RNF128: variants seen among roughly 807,000 people sequenced by gnomAD.
RNF128 encodes the protein ring finger protein 128.
Under a neutral mutation model 26.2 loss-of-function variants are expected in RNF128, and 13 were observed. The ratio of observed to expected loss-of-function variants is 0.50; its 90% CI spans 0.32 to 0.79. The LOEUF (loss-of-function observed/expected upper bound fraction) is 0.79. Among genes scored for constraint, RNF128 ranks in the 30% least tolerant of loss-of-function variants. The pLI, the probability that RNF128 is intolerant of heterozygous loss-of-function variation, is 0.03. For synonymous variants in RNF128, 149 were observed against 142.5 expected (o/e 1.05, Z -0.32); for missense variants, 315 against 349.7 (o/e 0.90, Z 0.79).
intron 1 of RNF128, among the ~76,000 whole-genome samples, chrX:106,767,367 G>C (rs1948720786): frequency 1.8e-5 from 2 of 111,846 alleles, no homozygotes; most frequent in South Asian, 7.4e-4. Context: ...TCTTCCATTT[G>C]TTTGTGTCCT....
chrX:106,762,032 G>A (rs1930128569), intron 1 of RNF128, among the ~76,000 whole-genome samples: 1 of 109,841 alleles, frequency 9.1e-6, no homozygotes, highest in Admixed American at 9.8e-5. Flanking sequence ...GTAAATGTAA[G>A]TATACTATGT....
rs752112993 is a variant in RNF128 at position 106,794,350 on chromosome X, TTCTGTAAG to T, written c.1154-1229_1154-1222del. 6.3e-5 allele frequency among the ~76,000 whole-genome samples: 7 copies of T among 111,688 alleles called. No individual in the cohort carries two copies. The East Asian group carries it at 2.0e-3, about 31-fold the overall frequency. On this transcript the variant is annotated intron_variant, in intron 6 of 6. Transcript: ENST00000255499. ...TCTAGGTCTGGGATTAGCCAACTTT[TTCTGTAAG>T]GGGCCACATAGTAAATATGTTAGGC... is the stretch of plus-strand genomic sequence containing the variant.
At position 106,708,269 on chromosome X, in the gene RNF128, A is replaced by G. The variant is rs1413962004; in HGVS notation, c.406+13861A>G. ...CATGACTTCTTTGTAGGCTGTTTCT[A>G]TATAAAGCTCTGGCAGTAGGAACTG... On this transcript the variant is annotated intron_variant, in intron 1 of 6. Transcript: ENST00000324342. Among the ~76,000 whole-genome samples, 3 of 111,849 alleles carry G rather than the reference A, an allele frequency of 2.7e-5. No homozygotes were observed. The Admixed American group carries it at 2.9e-4, about 11-fold the overall frequency.
At chrX:106,765,043 G>A (rs374275497) in intron 1 of RNF128, among the ~76,000 whole-genome samples, 8 of 111,632 alleles carry the variant, frequency 7.2e-5, no homozygotes, top group African/African-American at 2.6e-4. Context: ...ATAACAGAGG[G>A]TCTCTACATT....
intron 1 of RNF128, among the ~76,000 whole-genome samples, chrX:106,733,356 T>C (rs1034516519): frequency 9.0e-6 from 1 of 111,358 alleles, no homozygotes; most frequent in Non-Finnish European, 1.9e-5. Flanking sequence ...GTGTTTTCAA[T>C]ACAGAATGCC....
At chrX:106,764,102 A>G (rs1050724239) in intron 1 of RNF128, among the ~76,000 whole-genome samples, 18 of 109,233 alleles carry the variant, frequency 1.6e-4, no homozygotes, top group Non-Finnish European at 2.9e-4. Context: ...AGCTGGGGCT[A>G]CAGGTGCCCG....
At chrX:106,754,441 T>TG (rs1929964533) in intron 1 of RNF128, among the ~76,000 whole-genome samples, 1 of 81,404 alleles carries the variant, frequency 1.2e-5, no homozygotes, top group Non-Finnish European at 2.4e-5. Flanking sequence ...TTTTTTTTTT[T>TG]GTAGCGACAG....
intron 2 of RNF128, among the ~76,000 whole-genome samples, chrX:106,774,391 T>G (rs764693562): frequency 8.9e-6 from 1 of 112,049 alleles, no homozygotes; most frequent in East Asian, 2.8e-4. Context: ...TTTTGTCTTT[T>G]GTATACTCAA....
intron 1 of RNF128, among the ~76,000 whole-genome samples, chrX:106,767,983 T>C (rs1249132221): frequency 8.9e-6 from 1 of 111,938 alleles, no homozygotes; most frequent in Non-Finnish European, 1.9e-5. Context: ...CATGTGGTTT[T>C]TATCTTTGGT....
chrX:106,723,039 T>C (rs1242307124), upstream of RNF128, among the ~76,000 whole-genome samples: 1 of 111,662 alleles, frequency 9.0e-6, no homozygotes, highest in African/African-American at 3.3e-5. Flanking sequence ...CCATATGATC[T>C]CTTTAAGTTC....
intron 2 of RNF128, among the ~76,000 whole-genome samples, chrX:106,780,355 C>T (rs192022367): frequency 8.8e-4 from 96 of 109,567 alleles, no homozygotes; most frequent in South Asian, 1.5e-3. Flanking sequence ...CCAATATATT[C>T]CCATTCAGAA....
At chrX:106,777,607 C>T (rs1020168711) in intron 2 of RNF128, among the ~76,000 whole-genome samples, 15 of 112,026 alleles carry the variant, frequency 1.3e-4, no homozygotes, top group African/African-American at 4.9e-4. Flanking sequence ...CCAATATATC[C>T]TTTTCCTCCT....
Position 106,726,730 on chromosome X carries a change from G to A in RNF128, c.-184G>A, listed in dbSNP as rs1259137076. On this transcript the variant is annotated 5_prime_UTR_variant, in exon 1 of 7. Transcript: ENST00000255499. Reference sequence around the variant, plus strand: ...TAGCGGAGAAGACTGGAGCTCCGAGGAGCTGCATCTGCGGCAACCTGTGTG... The same window carrying A: ...TAGCGGAGAAGACTGGAGCTCCGAGAAGCTGCATCTGCGGCAACCTGTGTG... 6 of 1,045,084 alleles carry A rather than the reference G, an allele frequency of 5.7e-6. No homozygotes were observed. The South Asian group carries it at 1.3e-4, about 23-fold the overall frequency. 86.1% of individuals were successfully genotyped at this position (1,045,084 alleles called of 1,213,427 possible). A position where few individuals can be genotyped will look rare whatever the true frequency, so the allele number is the denominator to read the frequency against.
upstream of RNF128, among the ~76,000 whole-genome samples, chrX:106,725,888 T>G (rs1375040342): frequency 1.8e-5 from 2 of 113,212 alleles, no homozygotes; most frequent in Admixed American, 9.3e-5. Flanking sequence ...TAGACAAAAA[T>G]TGAATACTTA....
intron 1 of RNF128, among the ~76,000 whole-genome samples, chrX:106,710,813 G>A (rs1370812600): frequency 9.7e-6 from 1 of 103,556 alleles, no homozygotes; most frequent in Non-Finnish European, 2.0e-5. Context: ...AAAGAAAATA[G>A]CCAACTATAT....
chrX:106,751,578 C>T lies in RNF128; in HGVS notation c.485-21335C>T, dbSNP rs189838626. ...CTTGCGGTGCATATGGCCAAGAAAG[C>T]GTTTGCATCACCCCTCCCCCAACTC... On this transcript the variant is annotated intron_variant, in intron 1 of 6. Coordinates refer to ENST00000255499, the MANE Select transcript of RNF128 (RefSeq NM_194463.2). Among the ~76,000 whole-genome samples the T allele has an allele frequency of 4.5e-5, 5 of 110,540 alleles. No homozygotes were observed. In the East Asian group the frequency reaches 8.7e-4, roughly 19 times the overall value.
intron 1 of RNF128, among the ~76,000 whole-genome samples, chrX:106,771,195 G>A (rs1024157235): frequency 3.5e-5 from 4 of 112,716 alleles, no homozygotes; most frequent in Non-Finnish European, 7.5e-5. Context: ...TTAGGCTACT[G>A]AGGGGTCAGG....
rs1309952878 is a variant in RNF128 at position 106,726,736 on chromosome X, C to T, written c.-178C>T. The stretch of plus-strand genomic sequence containing the variant: ...AGAAGACTGGAGCTCCGAGGAGCTG[C>T]ATCTGCGGCAACCTGTGTGCTGACG... On this transcript the variant is annotated 5_prime_UTR_variant, in exon 1 of 7. Transcript: ENST00000255499. 2 of 1,045,517 alleles carry T rather than the reference C, an allele frequency of 1.9e-6. No individual in the cohort carries two copies. The highest frequency in any genetic ancestry group is 2.4e-6 in the Non-Finnish European group (2 of 821,826). 86.2% of individuals were successfully genotyped at this position (1,045,517 alleles called of 1,213,427 possible).
chrX:106,767,691 T>C (rs1272453541), intron 1 of RNF128, among the ~76,000 whole-genome samples: 2 of 111,680 alleles, frequency 1.8e-5, no homozygotes, highest in African/African-American at 3.3e-5. Context: ...CTTTTCCTAA[T>C]TGAATACTCT....
Sources: gnomAD v4.1 joint callset for allele counts (sites outside exome capture counted in the v4.1 genomes callset) on GRCh38, gnomAD v4.1.1 for gene constraint, MANE v1.5 for transcripts, NCBI Gene and HGNC (gene_info 2026-07-23, HGNC 2026-07-21) for gene names.